SEMA3C: variants seen among roughly 807,000 people sequenced by gnomAD.
SEMA3C encodes the protein semaphorin 3C.
In SEMA3C, 47 loss-of-function variants were observed where a neutral mutation model predicts 89.4. That is an observed-to-expected ratio of 0.53 (90% CI 0.42 to 0.67). The LOEUF (loss-of-function observed/expected upper bound fraction) is 0.67. Ranked by LOEUF, SEMA3C falls within the 30% of genes least tolerant of loss-of-function variation. The pLI, the probability that SEMA3C is intolerant of heterozygous loss-of-function variation, is 0.00. For missense variants in SEMA3C, 839 were observed against 929.1 expected, an observed-to-expected ratio of 0.90 and a Z score of 1.26; for synonymous variants, 310 against 320.2, an observed-to-expected ratio of 0.97 and a Z score of 0.34.
At chr7:80,751,419 T>G (rs960041136) in intron 15 of SEMA3C, 83 bp from the exon 16 acceptor site, 63 of 1,251,346 alleles carry the variant, frequency 5.0e-5, no homozygotes, top group Admixed American at 7.1e-5. Flanking sequence ...ATTTTAAACT[T>G]TGCACCCTTT....
intron 2 of SEMA3C, among the ~76,000 whole-genome samples, chr7:80,892,632 T>C (rs1368717005): frequency 6.6e-6 from 1 of 152,152 alleles, no homozygotes; most frequent in Non-Finnish European, 1.5e-5. Flanking sequence ...CCGTTGAAGT[T>C]AGGACATTAG....
chr7:80,776,802 T>C (rs1277011628), intron 12 of SEMA3C, among the ~76,000 whole-genome samples: 5 of 152,216 alleles, frequency 3.3e-5, no homozygotes, highest in Admixed American at 3.3e-4. Flanking sequence ...GCATGCATAT[T>C]GTTCATTACC....
Position 80,757,809 on chromosome 7 carries a change from A to G in SEMA3C, c.1643+522T>C, listed in dbSNP as rs1788097951. On this transcript the variant is annotated intron_variant, in intron 15 of 17. Coordinates refer to ENST00000265361, the MANE Select transcript of SEMA3C (RefSeq NM_006379.5). ...GATGGTGAAACCCCATCTACTAAAA[A>G]TACAAAAATGAGCTGGGCATAGTGG... Among the ~76,000 whole-genome samples, 2 of 152,102 alleles carry G rather than the reference A, an allele frequency of 1.3e-5. 1 individual carries two copies.
intron 2 of SEMA3C, among the ~76,000 whole-genome samples, chr7:80,908,057 C>A (rs1792056248): frequency 6.6e-6 from 1 of 152,058 alleles, no homozygotes; most frequent in South Asian, 2.1e-4. Context: ...AACCACTTTG[C>A]TACTACTCAC....
At chr7:80,803,019 G>A (rs1470634042) in intron 8 of SEMA3C, among the ~76,000 whole-genome samples, 1 of 152,080 alleles carries the variant, frequency 6.6e-6, no homozygotes, top group Non-Finnish European at 1.5e-5. Flanking sequence ...TGATAAATGT[G>A]TGACATAATT....
intron 12 of SEMA3C, among the ~76,000 whole-genome samples, chr7:80,768,328 A>C (rs974748397): frequency 3.3e-5 from 5 of 152,124 alleles, no homozygotes; most frequent in African/African-American, 1.2e-4. Flanking sequence ...CCTGGCTAAC[A>C]CAGTGAAACC....
At chr7:80,872,583 C>G (rs1791088469) in intron 2 of SEMA3C, among the ~76,000 whole-genome samples, 1 of 151,856 alleles carries the variant, frequency 6.6e-6, no homozygotes, top group Non-Finnish European at 1.5e-5. Context: ...GGGGGCGGAT[C>G]ATGAGGTCAA....
rs201189898 is a variant in SEMA3C, at chr7:80,850,782, GAA to G, written c.104-22039_104-22038del. ...TTGTTGATAATTATATTTTCTAAAA[GAA>G]AGAGTATTAAATCGATGCATGCATA... On this transcript the variant is annotated intron_variant, in intron 2 of 17. Transcript: ENST00000265361. Among the ~76,000 whole-genome samples, 538 of 152,276 alleles carry G rather than the reference GAA, an allele frequency of 3.5e-3. 9 individuals are homozygous for G. Among genetic ancestry groups the G allele is most frequent in the East Asian group, 0.035 (181 of 5,182 alleles).
At chr7:80,808,435 G>A (rs979226650) in intron 6 of SEMA3C, among the ~76,000 whole-genome samples, 2 of 152,142 alleles carry the variant, frequency 1.3e-5, no homozygotes, top group African/African-American at 4.8e-5. Context: ...GCCTTGCATA[G>A]GTCATAATTG....
rs1365946618 is a variant in SEMA3C at position 80,743,344 on chromosome 7, T to C, written c.*1550A>G. The C allele has an allele frequency of 6.6e-6, 1 of 151,888 alleles. No individual in the cohort carries two copies. Among genetic ancestry groups the C allele is most frequent in the Non-Finnish European group, 1.5e-5 (1 of 67,816 alleles). 9.4% of individuals were successfully genotyped at this position (151,888 alleles called of 1,614,324 possible). On this transcript the variant is annotated 3_prime_UTR_variant, in exon 18 of 18. Coordinates refer to ENST00000265361, the MANE Select transcript of SEMA3C (RefSeq NM_006379.5). Reference sequence around the variant, plus strand: ...AATCATATTCTGATATTCTGATTAATAATCATATTAATTTTGACAATGATT... The same window carrying C: ...AATCATATTCTGATATTCTGATTAACAATCATATTAATTTTGACAATGATT...
intron 7 of SEMA3C, 137 bp from the exon 8 acceptor site, chr7:80,804,385 A>G (rs564327056): frequency 6.0e-6 from 3 of 502,884 alleles, no homozygotes; most frequent in Non-Finnish European, 9.9e-6. Context: ...ACATTTCTAA[A>G]AGCAGTAATT....
upstream of SEMA3C, among the ~76,000 whole-genome samples, chr7:80,919,617 C>G (rs747058278): frequency 2.6e-5 from 4 of 151,428 alleles, no homozygotes; most frequent in Non-Finnish European, 4.4e-5. Flanking sequence ...GGGAATCTCA[C>G]TCTGTCGCCA....
At position 80,751,365 on chromosome 7, in the gene SEMA3C, C is replaced by T. The variant is rs867487390; in HGVS notation, c.1644-29G>A. The T allele has an allele frequency of 1.1e-5, 17 of 1,594,750 alleles. No individual in the cohort carries two copies. The African/African-American group carries it at 2.0e-4, about 19-fold the overall frequency. On this transcript the variant is annotated intron_variant, in intron 15 of 17. Transcript: ENST00000265361. ...CAAGTGCAGAAATACATAAAAGTGA[C>T]TGAGAATTATCACTGCCAATTACAC...
intron 12 of SEMA3C, among the ~76,000 whole-genome samples, chr7:80,769,222 C>T (rs925668753): frequency 8.5e-5 from 13 of 152,100 alleles, no homozygotes; most frequent in Admixed American, 1.3e-4. Flanking sequence ...CATTCCAATT[C>T]CACTCTTTTA....
chr7:80,809,349 AC>A (rs1210939281), intron 6 of SEMA3C, among the ~76,000 whole-genome samples: 1 of 152,128 alleles, frequency 6.6e-6, no homozygotes, highest in Admixed American at 6.6e-5. Context: ...TTGAAAAAAC[AC>A]CCCTTTAACC....
intron 10 of SEMA3C, among the ~76,000 whole-genome samples, chr7:80,799,125 G>A (rs937791662): frequency 2.0e-5 from 3 of 152,094 alleles, no homozygotes; most frequent in African/African-American, 7.2e-5. Flanking sequence ...TTCTTTGTGA[G>A]TTAAATCAAG....
At position 80,749,105 on chromosome 7, in the gene SEMA3C, C is replaced by T. The variant is rs527432182; in HGVS notation, c.1712-77G>A. ...TAGAGCACATTCTCCTGTAGAAATG[C>T]TATATACATGTTTATTTTTATACAA... is the stretch of plus-strand genomic sequence containing the variant. On this transcript the variant is annotated intron_variant, in intron 16 of 17. Transcript: ENST00000265361. The T allele has an allele frequency of 1.0e-5, 14 of 1,386,970 alleles. No homozygotes were observed. In the East Asian group the frequency reaches 2.9e-4, roughly 29 times the overall value. 85.9% of individuals were successfully genotyped at this position (1,386,970 alleles called of 1,614,324 possible). A position where few individuals can be genotyped will look rare whatever the true frequency, so the allele number is the denominator to read the frequency against.
intron 2 of SEMA3C, among the ~76,000 whole-genome samples, chr7:80,914,199 C>T (rs898419918): frequency 3.3e-5 from 5 of 152,084 alleles, no homozygotes; most frequent in East Asian, 1.9e-4. Flanking sequence ...TTTAGAAATA[C>T]GAACTAGAAG....
intron 2 of SEMA3C, among the ~76,000 whole-genome samples, chr7:80,914,363 TTAAATAA>T (rs1300898084): frequency 6.6e-6 from 1 of 152,092 alleles, no homozygotes; most frequent in Non-Finnish European, 1.5e-5. Context: ...ATGAGAAACT[TTAAATAA>T]TAATAAATTT....
Sources: allele counts gnomAD v4.1 joint callset (sites outside exome capture counted in the v4.1 genomes callset), GRCh38; gene constraint gnomAD v4.1.1; transcripts MANE v1.5; gene names NCBI Gene and HGNC (gene_info 2026-07-23, HGNC 2026-07-21).